STRBP: variants seen among roughly 807,000 people sequenced by gnomAD.
The protein encoded by STRBP is spermatid perinuclear RNA-binding protein.
Under a neutral mutation model 80.1 loss-of-function variants are expected in STRBP, and 13 were observed. The ratio of observed to expected loss-of-function variants is 0.16; its 90% confidence interval spans 0.11 to 0.26. The LOEUF is 0.26. Among genes scored for constraint, STRBP ranks in the 10% least tolerant of loss-of-function variants. The pLI, the probability that STRBP is intolerant of heterozygous loss-of-function variation, is 1.00. For synonymous variants in STRBP, 284 were observed against 291.2 expected, an observed-to-expected ratio of 0.98 and a Z score of 0.25; for missense variants, 485 against 815.2, an observed-to-expected ratio of 0.59 and a Z score of 4.93.
At chr9:123,120,478 C>T (rs1299898242), downstream of STRBP, among the ~76,000 whole-genome samples, 3 of 6,220 alleles carry the variant, frequency 4.8e-4, no homozygotes, top group Non-Finnish European at 1.2e-3. Flanking sequence ...AATCTAATTG[C>T]GGGCGGGGGG....
rs982671485 is a variant in STRBP, at chr9:123,236,960, C to T, written c.-295G>A. On this transcript the variant is annotated 5_prime_UTR_variant, in exon 2 of 19. Transcript: ENST00000348403. ...ACCAGCCAGGTCAACATGGCAAAAC[C>T]CCGTCTCTACTAAAAATACAAAAAT... The T allele has an allele frequency of 6.6e-6, 1 of 152,246 alleles. No homozygotes were observed. The highest frequency in any genetic ancestry group is 1.5e-5 in the Non-Finnish European group (1 of 68,136). The allele number at this position is 152,246 out of a possible 1,614,324, so 9.4% of individuals were successfully genotyped here.
chr9:123,242,650 A>G (rs979891510), intron 1 of STRBP, among the ~76,000 whole-genome samples: 1 of 151,712 alleles, frequency 6.6e-6, no homozygotes, highest in Non-Finnish European at 1.5e-5. Flanking sequence ...ACAGAGTGAG[A>G]CCCTGTCTCA....
At position 123,124,885 on chromosome 9, in the gene STRBP, A is replaced by C. The variant is rs2035838214; in HGVS notation, c.*712T>G. ...TGTACAACAGGAGTACAAAGGGCTT[A>C]CAAAGTGAGTAGACTGGCTCAAACT... is the stretch of plus-strand genomic sequence containing the variant. On this transcript the variant is annotated 3_prime_UTR_variant, in exon 19 of 19. Coordinates refer to ENST00000348403, the MANE Select transcript of STRBP (RefSeq NM_018387.5). 5 of 985,574 alleles carry C rather than the reference A, an allele frequency of 5.1e-6. No homozygotes were observed. In the South Asian group the frequency reaches 2.3e-4, roughly 46 times the overall value. The allele number at this position is 985,574 out of a possible 1,614,324, so 61.1% of individuals were successfully genotyped here. A position where few individuals can be genotyped will look rare whatever the true frequency, so the allele number is the denominator to read the frequency against.
Position 123,115,066 on chromosome 9 carries a change from G to A in STRBP, c.*84+863C>T. On this transcript the variant is annotated intron_variant and NMD_transcript_variant, in intron 3 of 3. Transcript: ENST00000471564. This position sits in a 1 kb window ranked among gnomAD's most constrained non-coding sequence, Gnocchi z 5.0. Reference sequence around the variant, plus strand: ...TCTGGAACTCACTATTGTGGACAATGGTCATCATTGAAGGACACACCACCC... The same window carrying A: ...TCTGGAACTCACTATTGTGGACAATAGTCATCATTGAAGGACACACCACCC... 1 of 395,856 alleles carries A rather than the reference G, an allele frequency of 2.5e-6. No individual in the cohort carries two copies. The highest frequency in any genetic ancestry group is 5.3e-6 in the Non-Finnish European group (1 of 189,082). 24.5% of individuals were successfully genotyped at this position (395,856 alleles called of 1,614,324 possible).
intron 2 of STRBP, among the ~76,000 whole-genome samples, chr9:123,215,950 G>T (rs894321843): frequency 6.6e-6 from 1 of 152,104 alleles, no homozygotes; most frequent in African/African-American, 2.4e-5. Context: ...GAAAGATTTC[G>T]GACATCTCAT....
intron 2 of STRBP, among the ~76,000 whole-genome samples, chr9:123,230,562 T>C (rs1220563616): frequency 6.6e-6 from 1 of 152,240 alleles, no homozygotes; most frequent in East Asian, 1.9e-4. Context: ...CCGTATCAGA[T>C]ATATCACAGA....
intron 4 of STRBP, among the ~76,000 whole-genome samples, chr9:123,178,376 A>T (rs2038313591): frequency 6.6e-6 from 1 of 152,214 alleles, no homozygotes; most frequent in African/African-American, 2.4e-5. Context: ...GCCTGGCATA[A>T]AAAGATTAAT....
intron 11 of STRBP, among the ~76,000 whole-genome samples, chr9:123,151,827 A>G (rs540243374): frequency 1.3e-5 from 2 of 152,264 alleles, no homozygotes; most frequent in South Asian, 4.1e-4. Context: ...AACTACAGAA[A>G]AGAGCAGAAA....
rs1343385643 is a variant in STRBP, at chr9:123,110,820, AG to A, written c.*85-1068del. Reference sequence around the variant, plus strand: ...ATGAGCCCTCCTCCCTCGGAAAGGTAGTAAGTAGTAGCAAAGCATCTCCCAC... The same window carrying A: ...ATGAGCCCTCCTCCCTCGGAAAGGTATAAGTAGTAGCAAAGCATCTCCCAC... On this transcript the variant is annotated intron_variant and NMD_transcript_variant, in intron 3 of 3. Transcript: ENST00000471564. The surrounding 1 kb of genome is among the most constrained non-coding windows in gnomAD (Gnocchi z 4.1). 5.9e-6 allele frequency: 1 copy of A among 169,292 alleles called. No individual in the cohort carries two copies. The highest frequency in any genetic ancestry group is 1.9e-4 in the East Asian group (1 of 5,192). The allele number at this position is 169,292 out of a possible 1,614,324, so 10.5% of individuals were successfully genotyped here.
intron 2 of STRBP, among the ~76,000 whole-genome samples, chr9:123,215,067 C>CTT (rs1189124117): frequency 4.1e-5 from 6 of 147,326 alleles, no homozygotes; most frequent in African/African-American, 1.5e-4. Flanking sequence ...CAATTTCTTT[C>CTT]TTTTTTTTTT....
At chr9:123,112,683 G>C (rs970696489) in intron 3 of STRBP, 4 of 167,404 alleles carry the variant, frequency 2.4e-5, no homozygotes, top group African/African-American at 9.6e-5. Flanking sequence ...GCCCGGCCCA[G>C]AGCAGTCCAC....
At position 123,158,547 on chromosome 9, in the gene STRBP, C is replaced by T. The variant is rs116914075; in HGVS notation, c.836-118G>A. On this transcript the variant is annotated intron_variant, in intron 9 of 18. Transcript: ENST00000348403. The stretch of plus-strand genomic sequence containing the variant: ...GAAAATGAAAAAAAAAACTGAGGAA[C>T]TAAGTTAAAAGTCTGCTCAGTTAAG... The T allele has an allele frequency of 9.3e-4, 787 of 849,686 alleles. 10 individuals are homozygous for T. The East Asian group carries it at 0.019, about 21-fold the overall frequency. The allele number at this position is 849,686 out of a possible 1,614,324, so 52.6% of individuals were successfully genotyped here.
chr9:123,182,796 G>A (rs534301195), intron 3 of STRBP, among the ~76,000 whole-genome samples: 2 of 152,062 alleles, frequency 1.3e-5, no homozygotes, highest in South Asian at 2.1e-4. Flanking sequence ...AGGGTTCCTT[G>A]AGCCAAGGCG....
chr9:123,225,005 G>A (rs1324201091), intron 2 of STRBP, among the ~76,000 whole-genome samples: 1 of 152,106 alleles, frequency 6.6e-6, no homozygotes, highest in African/African-American at 2.4e-5. Context: ...CTCACACAAT[G>A]AAACAATATG....
chr9:123,235,251 A>T (rs2040521739), intron 2 of STRBP, among the ~76,000 whole-genome samples: 1 of 152,002 alleles, frequency 6.6e-6, no homozygotes, highest in Non-Finnish European at 1.5e-5. Flanking sequence ...AGTAGGTAAC[A>T]CAAAGCTACA....
At chr9:123,134,792 G>A (rs1347109782) in intron 16 of STRBP, among the ~76,000 whole-genome samples, 1 of 151,952 alleles carries the variant, frequency 6.6e-6, no homozygotes, top group Admixed American at 6.6e-5. Flanking sequence ...TGTAATATGG[G>A]AAAAAACACC....
Position 123,170,000 on chromosome 9 carries a change from G to A in STRBP, c.437C>T (p.Ala146Val). 6.2e-7 allele frequency: 1 copy of A among 1,609,100 alleles called. No individual in the cohort carries two copies. Among genetic ancestry groups the A allele is most frequent in the Non-Finnish European group, 8.5e-7 (1 of 1,178,310 alleles). ...TTTTGTATTCCGAATTATAATAGAT[G>A]CCTCATTTACACATTGTTCCACTTG... ...KYQVEQCVNE[A>V]SIIIRNTKEP... The change falls in exon 6 of 19, where the codon GCA becomes GTA. Residue 146 changes from alanine to valine, a missense_variant. Ala to Val is a moderately conservative substitution (Grantham distance 64). Around this residue, in one of 3 missense-constraint regions of STRBP, gnomAD observed 377 missense variants for 616.1 expected, o/e 0.61. Coordinates refer to ENST00000348403, the MANE Select transcript of STRBP (RefSeq NM_018387.5).
intron 1 of STRBP, among the ~76,000 whole-genome samples, chr9:123,248,492 G>A (rs761078336): frequency 7.3e-5 from 11 of 151,536 alleles, no homozygotes; most frequent in African/African-American, 1.7e-4. Flanking sequence ...GGCTGGTCTC[G>A]AACTCCTGAC....
intron 11 of STRBP, among the ~76,000 whole-genome samples, chr9:123,153,769 G>A (rs779145149): frequency 1.3e-5 from 2 of 152,160 alleles, no homozygotes; most frequent in African/African-American, 2.4e-5. Context: ...GGTAGTCTGG[G>A]ATGGAAGTAT....
Sources: gnomAD v4.1 joint callset for allele counts (sites outside exome capture counted in the v4.1 genomes callset) on GRCh38, gnomAD v4.1.1 for gene constraint, gnomAD v4.1.1 regional missense constraint, Gnocchi (gnomAD v3.1) non-coding constraint, MANE v1.5 for transcripts, NCBI Gene and HGNC (gene_info 2026-07-23, HGNC 2026-07-21) for gene names.